Variants in PITPNC1 observed in about 807,000 individuals in gnomAD.
The protein encoded by PITPNC1 is cytoplasmic phosphatidylinositol transfer protein 1.
Under a neutral mutation model 44.7 loss-of-function variants are expected in PITPNC1, and 18 were observed. The observed-to-expected ratio is 0.40, with a 90% confidence interval of 0.28 to 0.60. PITPNC1 has a LOEUF of 0.60. Ranked by LOEUF, PITPNC1 falls within the 20% of genes least tolerant of loss-of-function variation. The probability of loss-of-function intolerance (pLI) is 0.39; values close to 1 mark genes in which losing one functional copy is unlikely to be tolerated. For synonymous variants in PITPNC1, 141 were observed against 149.6 expected (o/e 0.94, Z 0.42); for missense variants, 290 against 418.4 (o/e 0.69, Z 2.68).
intron 1 of PITPNC1, among the ~76,000 whole-genome samples, chr17:67,447,840 A>G (rs2039121107): frequency 6.8e-6 from 1 of 147,244 alleles, no homozygotes; most frequent in Non-Finnish European, 1.5e-5. Context: ...CTGGGATCCC[A>G]GCTATCTCTT....
intron 6 of PITPNC1, among the ~76,000 whole-genome samples, chr17:67,645,795 C>T (rs1336612645): frequency 6.6e-6 from 1 of 152,146 alleles, no homozygotes; most frequent in East Asian, 1.9e-4. Flanking sequence ...TTGGGGGTGG[C>T]TTCAGATTGA....
At chr17:67,574,057 A>C (rs1337039455) in intron 4 of PITPNC1, among the ~76,000 whole-genome samples, 1 of 152,226 alleles carries the variant, frequency 6.6e-6, no homozygotes, top group Non-Finnish European at 1.5e-5. Flanking sequence ...AAGGTTCCAG[A>C]GAAGAGCTTA....
intron 1 of PITPNC1, among the ~76,000 whole-genome samples, chr17:67,465,153 C>T (rs1598702290): frequency 1.3e-5 from 2 of 152,186 alleles, no homozygotes; most frequent in African/African-American, 2.4e-5. Context: ...ACTGTGAAAT[C>T]GGGATTTTAA....
At chr17:67,607,138 C>T (rs1003160005) in intron 5 of PITPNC1, among the ~76,000 whole-genome samples, 3 of 152,202 alleles carry the variant, frequency 2.0e-5, no homozygotes, top group African/African-American at 7.2e-5. Context: ...TTTTGCCCTG[C>T]GCTGCTGTAG....
At chr17:67,503,110 A>C (rs2040056998) in intron 1 of PITPNC1, among the ~76,000 whole-genome samples, 1 of 152,028 alleles carries the variant, frequency 6.6e-6, no homozygotes, top group South Asian at 2.1e-4. Context: ...TTTCTTTTTA[A>C]AGGAAGTGGA....
chr17:67,680,791 T>C, intron 8 of PITPNC1, among the ~76,000 whole-genome samples: 1 of 152,186 alleles, frequency 6.6e-6, no homozygotes, highest in East Asian at 1.9e-4. Context: ...AAAAATGGCA[T>C]TTCTCAAAGG....
chr17:67,691,742 A>C (rs1226321708), intron 8 of PITPNC1, among the ~76,000 whole-genome samples: 1 of 152,224 alleles, frequency 6.6e-6, no homozygotes, highest in Non-Finnish European at 1.5e-5. Context: ...ACAGTGGCTC[A>C]CGCCTGTAAT....
chr17:67,509,590 AT>A (rs2040154113), intron 1 of PITPNC1, among the ~76,000 whole-genome samples: 7 of 151,128 alleles, frequency 4.6e-5, no homozygotes, highest in Non-Finnish European at 7.4e-5. Flanking sequence ...AAATAAATAA[AT>A]AAATAAATAA....
intron 2 of PITPNC1, among the ~76,000 whole-genome samples, chr17:67,535,034 C>A (rs1453516632): frequency 4.6e-5 from 7 of 152,216 alleles, no homozygotes; most frequent in Non-Finnish European, 1.0e-4. Context: ...AGACCCGTGT[C>A]CTGACAGTGA....
chr17:67,556,408 G>A (rs774253635), intron 4 of PITPNC1, among the ~76,000 whole-genome samples: 6 of 152,194 alleles, frequency 3.9e-5, no homozygotes, highest in African/African-American at 1.4e-4. Flanking sequence ...GTATAAGAGT[G>A]TCCCACATGT....
chr17:67,555,951 G>A (rs2040833702), intron 4 of PITPNC1, among the ~76,000 whole-genome samples: 1 of 152,178 alleles, frequency 6.6e-6, no homozygotes, highest in South Asian at 2.1e-4. Context: ...TGTCATTTGG[G>A]GTCACAATCT....
At chr17:67,614,488 A>T (rs1214764043) in intron 5 of PITPNC1, among the ~76,000 whole-genome samples, 2 of 152,010 alleles carry the variant, frequency 1.3e-5, no homozygotes, top group African/African-American at 4.8e-5. Context: ...CCTGAGCAAC[A>T]TAGTGAAACC....
intron 1 of PITPNC1, among the ~76,000 whole-genome samples, chr17:67,436,861 G>C (rs1465686445): frequency 6.8e-6 from 1 of 146,406 alleles, no homozygotes; most frequent in Admixed American, 7.0e-5. Flanking sequence ...CTCAAAATCT[G>C]TGTCTGCCTG....
At chr17:67,386,520 T>C (rs1361270767) in intron 1 of PITPNC1, among the ~76,000 whole-genome samples, 1 of 152,182 alleles carries the variant, frequency 6.6e-6, no homozygotes, top group East Asian at 1.9e-4. Flanking sequence ...GTTTAAACAT[T>C]CAACCTCTTT....
chr17:67,435,034 G>A (rs1237696318), intron 1 of PITPNC1, among the ~76,000 whole-genome samples: 13 of 149,468 alleles, frequency 8.7e-5, no homozygotes, highest in African/African-American at 1.7e-4. Context: ...ACGTGAACCC[G>A]GGAGATGGAG....
chr17:67,432,272 G>A (rs1022804045), intron 1 of PITPNC1, among the ~76,000 whole-genome samples: 1 of 152,122 alleles, frequency 6.6e-6, no homozygotes, highest in Non-Finnish European at 1.5e-5. Context: ...GGTGGATCAC[G>A]AGGTCAGGAG....
At chr17:67,384,094 C>T (rs1381500372) in intron 1 of PITPNC1, among the ~76,000 whole-genome samples, 1 of 151,986 alleles carries the variant, frequency 6.6e-6, no homozygotes, top group African/African-American at 2.4e-5. Flanking sequence ...TTTAACAGTT[C>T]CTGTTCTGAC....
chr17:67,658,275 G>A (rs1488700588), intron 6 of PITPNC1, among the ~76,000 whole-genome samples: 2 of 152,214 alleles, frequency 1.3e-5, no homozygotes, highest in African/African-American at 4.8e-5. Flanking sequence ...TTGAGAACTG[G>A]CCTTTCCTCT....
chr17:67,426,810 T>C (rs1457339363), intron 1 of PITPNC1, among the ~76,000 whole-genome samples: 2 of 152,178 alleles, frequency 1.3e-5, no homozygotes, highest in Non-Finnish European at 2.9e-5. Flanking sequence ...TTTAAAAACT[T>C]ATTTAATTTG....
Sources: allele counts gnomAD v4.1 joint callset (sites outside exome capture counted in the v4.1 genomes callset), GRCh38; gene constraint gnomAD v4.1.1; transcripts MANE v1.5; gene names NCBI Gene and HGNC (gene_info 2026-07-23, HGNC 2026-07-21).